Variants in MAD1L1 observed in about 807,000 individuals in gnomAD.
MAD1L1 encodes the protein mitotic spindle assembly checkpoint protein MAD1.
A neutral mutation model predicts 96.9 loss-of-function variants in MAD1L1; 95 were observed. The ratio of observed to expected loss-of-function variants is 0.98; its 90% CI spans 0.83 to 1.16. MAD1L1 has a LOEUF of 1.16. Ranked by LOEUF, MAD1L1 falls within the 50% of genes most tolerant of loss-of-function variation. The pLI is 0.00. For synonymous variants in MAD1L1, 473 were observed against 396.6 expected, an observed-to-expected ratio of 1.19 and a Z score of -2.29; for missense variants, 1,007 against 954.4, an observed-to-expected ratio of 1.06 and a Z score of -0.73.
intron 17 of MAD1L1, among the ~76,000 whole-genome samples, chr7:1,924,772 G>GT (rs1788999998): frequency 6.6e-6 from 1 of 152,272 alleles, no homozygotes; most frequent in East Asian, 1.9e-4. Context: ...TCTTGGTGGG[G>GT]TTTTCCACAT....
intron 12 of MAD1L1, among the ~76,000 whole-genome samples, chr7:2,039,902 G>A (rs747005669): frequency 1.3e-5 from 2 of 151,954 alleles, no homozygotes; most frequent in African/African-American, 2.4e-5. Flanking sequence ...CAGAAGGAAC[G>A]AAATAATAAA....
chr7:2,070,892 G>T (rs17132132), intron 11 of MAD1L1, among the ~76,000 whole-genome samples: 2,794 of 152,310 alleles, frequency 0.018, 91 homozygotes, highest in African/African-American at 0.064. Flanking sequence ...TTTCATCCCT[G>T]GACTGACAGA....
chr7:1,854,830 G>A lies in MAD1L1; in HGVS notation c.1999-38602C>T, dbSNP rs191380691. On this transcript the variant is annotated intron_variant, in intron 18 of 18. Coordinates refer to ENST00000265854, the MANE Select transcript of MAD1L1 (RefSeq NM_001013836.2). The stretch of plus-strand genomic sequence containing the variant: ...AGACAAAGGCAGGACAGGAGGGGAC[G>A]GACGCTCCCATTTCAAAAGGGGGAA... 1.5e-3 allele frequency among the ~76,000 whole-genome samples: 228 copies of A among 152,346 alleles called. 2 individuals carry two copies. Among genetic ancestry groups the A allele is most frequent in the African/African-American group, 5.1e-3 (214 of 41,576 alleles).
chr7:1,863,255 C>T (rs1784616927), intron 18 of MAD1L1, among the ~76,000 whole-genome samples: 1 of 152,260 alleles, frequency 6.6e-6, no homozygotes, highest in South Asian at 2.1e-4. Context: ...CCGGGTGCGG[C>T]TCATCAGGCC....
chr7:1,852,734 C>G (rs1784043914), intron 18 of MAD1L1, among the ~76,000 whole-genome samples: 1 of 151,990 alleles, frequency 6.6e-6, no homozygotes, highest in Admixed American at 6.5e-5. Context: ...TCGGCACAGG[C>G]CTTGTAATGA....
chr7:2,002,474 G>C (rs1235235164), intron 13 of MAD1L1, among the ~76,000 whole-genome samples: 1 of 152,230 alleles, frequency 6.6e-6, no homozygotes, highest in African/African-American at 2.4e-5. Context: ...CGGAGGGAAA[G>C]GTTCAGCATG....
intron 16 of MAD1L1, among the ~76,000 whole-genome samples, chr7:1,942,849 G>A (rs956662391): frequency 1.3e-5 from 2 of 152,128 alleles, no homozygotes; most frequent in Non-Finnish European, 2.9e-5. Context: ...GGGGGAACAC[G>A]GGAGGAAGAC....
chr7:1,906,802 C>T (rs1241524446), intron 17 of MAD1L1, among the ~76,000 whole-genome samples: 4 of 152,242 alleles, frequency 2.6e-5, no homozygotes, highest in African/African-American at 4.8e-5. Flanking sequence ...ACCTGAGCTC[C>T]TGCCCCTGCG....
chr7:1,864,107 G>C (rs918658750), intron 18 of MAD1L1, among the ~76,000 whole-genome samples: 2 of 152,330 alleles, frequency 1.3e-5, no homozygotes, highest in Admixed American at 6.5e-5. Flanking sequence ...GGCCAGGATG[G>C]GGACGGGGCG....
At chr7:1,867,701 G>C (rs543805386) in intron 18 of MAD1L1, among the ~76,000 whole-genome samples, 1 of 152,224 alleles carries the variant, frequency 6.6e-6, no homozygotes, top group African/African-American at 2.4e-5. Flanking sequence ...GGCCTCCGGG[G>C]CAGAGCTCCT....
intron 12 of MAD1L1, among the ~76,000 whole-genome samples, chr7:2,060,373 C>T (rs547404247): frequency 2.0e-5 from 3 of 149,936 alleles, no homozygotes; most frequent in Admixed American, 6.6e-5. Context: ...CAAGATACAC[C>T]GATGCCGAGA....
At chr7:2,100,505 C>A (rs144985883) in intron 11 of MAD1L1, among the ~76,000 whole-genome samples, 1 of 152,262 alleles carries the variant, frequency 6.6e-6, no homozygotes, top group African/African-American at 2.4e-5. Flanking sequence ...CCTGCCCACC[C>A]GGCGCGTCTG....
intron 18 of MAD1L1, among the ~76,000 whole-genome samples, chr7:1,836,188 A>G (rs781245074): frequency 2.0e-5 from 3 of 152,010 alleles, no homozygotes; most frequent in Non-Finnish European, 4.4e-5. Flanking sequence ...TGCCCGGCTA[A>G]TTTTTGTATT....
In MAD1L1 at chr7:2,063,017, T is replaced by A. The variant is rs574113167; in HGVS notation, c.1218+6177A>T. Among the ~76,000 whole-genome samples the A allele has an allele frequency of 6.6e-5, 10 of 152,270 alleles. No homozygotes were observed. The South Asian group carries it at 2.1e-3, about 32-fold the overall frequency. On this transcript the variant is annotated intron_variant, in intron 12 of 18. Transcript: ENST00000265854. Reference sequence around the variant, plus strand: ...AAAAGCGGAGCAATGTTTAAAGATATACACACAATTAAACTAGAAAGAAAA... The same window carrying A: ...AAAAGCGGAGCAATGTTTAAAGATAAACACACAATTAAACTAGAAAGAAAA...
intron 12 of MAD1L1, among the ~76,000 whole-genome samples, chr7:2,066,342 A>G (rs991191214): frequency 6.6e-6 from 1 of 152,246 alleles, no homozygotes; most frequent in Non-Finnish European, 1.5e-5. Context: ...AGCAGCAGGC[A>G]CGCCGCTCCC....
chr7:2,000,473 C>T (rs1781743621), intron 14 of MAD1L1, among the ~76,000 whole-genome samples: 1 of 152,222 alleles, frequency 6.6e-6, no homozygotes, highest in Non-Finnish European at 1.5e-5. Context: ...CTACCAACCA[C>T]CGCGGACCCC....
chr7:1,853,031 G>T (rs1784060636), intron 18 of MAD1L1, among the ~76,000 whole-genome samples: 1 of 152,234 alleles, frequency 6.6e-6, no homozygotes, highest in Non-Finnish European at 1.5e-5. Flanking sequence ...AAGGCTCAGG[G>T]TCCTGTCCCA....
At chr7:2,043,496 C>A (rs1249795330) in intron 12 of MAD1L1, among the ~76,000 whole-genome samples, 1 of 152,254 alleles carries the variant, frequency 6.6e-6, no homozygotes. Context: ...CTCGGCACGA[C>A]CTGGCACATC....
At chr7:2,052,231 A>C (rs1784212423) in intron 12 of MAD1L1, among the ~76,000 whole-genome samples, 1 of 152,216 alleles carries the variant, frequency 6.6e-6, no homozygotes, top group African/African-American at 2.4e-5. Context: ...CGCCACAGCC[A>C]GCCATGGCAT....
Sources: allele counts gnomAD v4.1 joint callset (sites outside exome capture counted in the v4.1 genomes callset), GRCh38; gene constraint gnomAD v4.1.1; transcripts MANE v1.5; gene names NCBI Gene and HGNC (gene_info 2026-07-23, HGNC 2026-07-21).